Variants in CMTM6 observed in about 807,000 individuals in gnomAD.
The protein encoded by CMTM6 is CKLF-like MARVEL transmembrane domain-containing protein 6.
In CMTM6, 5 loss-of-function variants were observed where a neutral mutation model predicts 13.6. The observed-to-expected ratio is 0.37, with a 90% CI of 0.19 to 0.77. The LOEUF is 0.77. Ranked by LOEUF, CMTM6 falls within the 30% of genes least tolerant of loss-of-function variation. The pLI is 0.50. For synonymous variants in CMTM6, 99 were observed against 84.5 expected (o/e 1.17, Z -0.94); for missense variants, 196 against 218.6 (o/e 0.90, Z 0.65).
intron 3 of CMTM6, among the ~76,000 whole-genome samples, chr3:32,485,841 G>T (rs4955157): frequency 0.023 from 3,565 of 152,306 alleles, 154 homozygotes; most frequent in East Asian, 0.21. Context: ...CAGTTTTAAT[G>T]ATGTATTAGC....
intron 1 of CMTM6, among the ~76,000 whole-genome samples, chr3:32,496,975 A>G (rs1697297189): frequency 6.6e-6 from 1 of 152,196 alleles, no homozygotes; most frequent in Non-Finnish European, 1.5e-5. Context: ...TAGGTTAGAA[A>G]ACAGGAGGAA....
Position 32,491,682 on chromosome 3 carries a change from T to C in CMTM6, c.315+28A>G, listed in dbSNP as rs1231382298. The C allele has an allele frequency of 1.9e-6, 3 of 1,556,322 alleles. No individual in the cohort carries two copies. In the South Asian group the frequency reaches 3.6e-5, roughly 19 times the overall value. On this transcript the variant is annotated intron_variant, in intron 2 of 3. Transcript: ENST00000205636. ...TGCCAGATTACAAAACAGCTATTAA[T>C]ACAGGGATGATATTTTCTCATGCTT...
chr3:32,483,760 T>A lies in CMTM6; in HGVS notation c.*200A>T, dbSNP rs944232817. On this transcript the variant is annotated 3_prime_UTR_variant, in exon 4 of 4. Coordinates refer to ENST00000205636, the MANE Select transcript of CMTM6 (RefSeq NM_017801.3). ...TTTGAGATAAGTTTCAATTATTATT[T>A]AAAAAAAAATTTTTTTTAACTTATC... 5 of 382,930 alleles carry A rather than the reference T, an allele frequency of 1.3e-5. No individual in the cohort carries two copies. Among genetic ancestry groups the A allele is most frequent in the Non-Finnish European group, 1.8e-5 (4 of 223,760 alleles). 23.7% of individuals were successfully genotyped at this position (382,930 alleles called of 1,614,324 possible).
intron 3 of CMTM6, among the ~76,000 whole-genome samples, chr3:32,487,537 A>G (rs1697214873): frequency 6.6e-6 from 1 of 152,018 alleles, no homozygotes; most frequent in African/African-American, 2.4e-5. Context: ...CTCCATTACA[A>G]TTTTACTTTT....
intron 1 of CMTM6, among the ~76,000 whole-genome samples, chr3:32,494,697 T>TA (rs1229971576): frequency 5.3e-5 from 8 of 152,080 alleles, no homozygotes; most frequent in African/African-American, 1.9e-4. Flanking sequence ...AAACTTGATA[T>TA]ATGTAATGTC....
At chr3:32,502,344 G>T (rs1299651484) in intron 1 of CMTM6, among the ~76,000 whole-genome samples, 1 of 152,240 alleles carries the variant, frequency 6.6e-6, no homozygotes, top group Non-Finnish European at 1.5e-5. Context: ...TTGGGTCTCC[G>T]ACGCATTTCC....
At chr3:32,490,920 C>G (rs1385770142) in intron 2 of CMTM6, among the ~76,000 whole-genome samples, 1 of 152,060 alleles carries the variant, frequency 6.6e-6, no homozygotes, top group African/African-American at 2.4e-5. Flanking sequence ...GAACTTTTCC[C>G]TAGTCCAAAT....
intron 1 of CMTM6, among the ~76,000 whole-genome samples, chr3:32,493,480 TGAG>T (rs1203702914): frequency 1.3e-5 from 2 of 152,146 alleles, no homozygotes; most frequent in Non-Finnish European, 2.9e-5. Context: ...ATGCTGTGAT[TGAG>T]GAGGTCTGTG....
At chr3:32,492,974 G>C (rs1164128806) in intron 1 of CMTM6, among the ~76,000 whole-genome samples, 1 of 152,194 alleles carries the variant, frequency 6.6e-6, no homozygotes, top group Non-Finnish European at 1.5e-5. Context: ...AATCTTTCTA[G>C]AGTCAGACTA....
chr3:32,489,326 C>T (rs1017224878), intron 2 of CMTM6, among the ~76,000 whole-genome samples: 2 of 147,638 alleles, frequency 1.4e-5, no homozygotes, highest in Non-Finnish European at 3.0e-5. Flanking sequence ...CCTAAATTGT[C>T]AATCATTCAC....
At chr3:32,500,966 G>A (rs1431845108) in intron 1 of CMTM6, among the ~76,000 whole-genome samples, 1 of 151,738 alleles carries the variant, frequency 6.6e-6, no homozygotes, top group Non-Finnish European at 1.5e-5. Flanking sequence ...AGGCCCGGAG[G>A]GCGAAAATCA....
At position 32,502,648 on chromosome 3, in the gene CMTM6, C is replaced by A. The variant is rs747810007; in HGVS notation, c.98G>T (p.Arg33Leu). 5 of 1,595,486 alleles carry A rather than the reference C, an allele frequency of 3.1e-6. No homozygotes were observed. The South Asian group carries it at 3.4e-5, about 11-fold the overall frequency. Residue 33 changes from arginine to leucine, a missense_variant, in exon 1 of 4, where the codon CGG becomes CTG. Arg to Leu is a moderately radical substitution (Grantham distance 102, BLOSUM62 -2). This residue lies in a region of CMTM6 where 85 missense variants were observed against 58.7 expected (regional missense o/e 1.45). Transcript: ENST00000205636. ...SGLAAYFFMG[R>L]LPLLRRVLKG... is the part of the protein sequence containing the mutation. ...GAGAACGCGCCGGAGCAATGGGAGC[C>A]GGCCCATGAAAAAGTAGGCAGCGAG...
chr3:32,491,158 G>C (rs1697247274), intron 2 of CMTM6, among the ~76,000 whole-genome samples: 2 of 152,098 alleles, frequency 1.3e-5, no homozygotes, highest in African/African-American at 4.8e-5. Context: ...AACTAACACA[G>C]GAACAAATGC....
intron 3 of CMTM6, among the ~76,000 whole-genome samples, chr3:32,486,643 T>C (rs1057417689): frequency 2.0e-5 from 3 of 152,214 alleles, no homozygotes; most frequent in African/African-American, 7.2e-5. Context: ...GTCTCTTTGT[T>C]GTACTCAAGG....
intron 2 of CMTM6, among the ~76,000 whole-genome samples, chr3:32,491,266 T>C (rs775731341): frequency 2.7e-4 from 41 of 152,342 alleles, no homozygotes; most frequent in Non-Finnish European, 5.6e-4. Context: ...ACTGAAGCTT[T>C]AAGCTTTAAA....
chr3:32,483,664 A>C lies in CMTM6; in HGVS notation c.*296T>G, dbSNP rs185856781. The C allele has an allele frequency of 4.9e-6, 1 of 204,990 alleles. No homozygotes were observed. The highest frequency in any genetic ancestry group is 1.1e-4 in the East Asian group (1 of 9,154). 12.7% of individuals were successfully genotyped at this position (204,990 alleles called of 1,614,324 possible). On this transcript the variant is annotated 3_prime_UTR_variant, in exon 4 of 4. Coordinates refer to ENST00000205636, the MANE Select transcript of CMTM6 (RefSeq NM_017801.3). ...AGAATGACCTGTAACAGAATGACAGAATCATTTATCAACCGTTGAGCTGTG... is the reference window on the plus strand; with the variant it reads ...AGAATGACCTGTAACAGAATGACAGCATCATTTATCAACCGTTGAGCTGTG...
At chr3:32,498,456 C>A (rs946488206) in intron 1 of CMTM6, among the ~76,000 whole-genome samples, 3 of 152,148 alleles carry the variant, frequency 2.0e-5, no homozygotes, top group African/African-American at 7.2e-5. Context: ...TGTATTAAAT[C>A]ATACATTAAA....
In CMTM6 at chr3:32,482,265, A is replaced by T. The variant is rs1451978207; in HGVS notation, c.*1695T>A. 6.6e-6 allele frequency: 1 copy of T among 152,204 alleles called. No homozygotes were observed. Among genetic ancestry groups the T allele is most frequent in the East Asian group, 1.9e-4 (1 of 5,198 alleles). The allele number at this position is 152,204 out of a possible 1,614,324, so 9.4% of individuals were successfully genotyped here. A position where few individuals can be genotyped will look rare whatever the true frequency, so the allele number is the denominator to read the frequency against. On this transcript the variant is annotated 3_prime_UTR_variant, in exon 4 of 4. Transcript: ENST00000205636. Reference sequence around the variant, plus strand: ...AAATCCTAAAGGTATTGAGTCAGTAAGACAGAGCAGAAGCTATGTTGGGCC... The same window carrying T: ...AAATCCTAAAGGTATTGAGTCAGTATGACAGAGCAGAAGCTATGTTGGGCC...
chr3:32,498,632 C>T (rs1393703711), intron 1 of CMTM6, among the ~76,000 whole-genome samples: 1 of 144,232 alleles, frequency 6.9e-6, no homozygotes, highest in Non-Finnish European at 1.5e-5. Flanking sequence ...TGGAGTCTCG[C>T]TCTGTTGCCA....
Sources: allele counts gnomAD v4.1 joint callset (sites outside exome capture counted in the v4.1 genomes callset), GRCh38; gene constraint gnomAD v4.1.1; regional missense constraint gnomAD v4.1.1; transcripts MANE v1.5; gene names NCBI Gene and HGNC (gene_info 2026-07-23, HGNC 2026-07-21).